FAM174A: variants seen among roughly 807,000 people sequenced by gnomAD.
The protein encoded by FAM174A is membrane protein FAM174A.
In FAM174A, 14 loss-of-function variants were observed where a neutral mutation model predicts 14.3. The observed-to-expected ratio is 0.98, with a 90% CI of 0.65 to 1.53. The LOEUF (loss-of-function observed/expected upper bound fraction) is 1.53. FAM174A is among the 40% of genes most tolerant of loss of function. The probability of loss-of-function intolerance (pLI) is 0.00; values close to 1 mark genes in which losing one functional copy is unlikely to be tolerated. For missense variants in FAM174A, 241 were observed against 249.6 expected, an observed-to-expected ratio of 0.97 and a Z score of 0.23; for synonymous variants, 108 against 111.4, an observed-to-expected ratio of 0.97 and a Z score of 0.19.
chr5:100,547,433 T>A (rs1306245632), intron 1 of FAM174A, among the ~76,000 whole-genome samples: 1 of 152,102 alleles, frequency 6.6e-6, no homozygotes, highest in East Asian at 1.9e-4. Flanking sequence ...AGAGCCCAGT[T>A]TGAAAACAGT....
chr5:100,558,853 C>G (rs991996437), intron 1 of FAM174A, among the ~76,000 whole-genome samples: 3 of 152,100 alleles, frequency 2.0e-5, no homozygotes, highest in African/African-American at 7.2e-5. Flanking sequence ...GATGGGTTTC[C>G]TGAATACAGC....
chr5:100,546,571 T>C (rs1237256567), intron 1 of FAM174A, among the ~76,000 whole-genome samples: 1 of 152,194 alleles, frequency 6.6e-6, no homozygotes, highest in Non-Finnish European at 1.5e-5. Flanking sequence ...TTGATTATAT[T>C]TTTACTCTTT....
intron 2 of FAM174A, among the ~76,000 whole-genome samples, chr5:100,577,403 A>G (rs1388516665): frequency 6.6e-6 from 1 of 152,100 alleles, no homozygotes; most frequent in Admixed American, 6.6e-5. Flanking sequence ...TACTGCTGTT[A>G]TGCTTCATTA....
In FAM174A at chr5:100,535,405, C is replaced by T. The variant is rs1325309523; in HGVS notation, c.-126C>T. On this transcript the variant is annotated 5_prime_UTR_variant, in exon 1 of 3. Transcript: ENST00000312637. ...CACTGCTGTAGCTTCTGCCACCTGCCACGACCGGGCCTCTCCCTGGCGTTT... is the reference window on the plus strand; with the variant it reads ...CACTGCTGTAGCTTCTGCCACCTGCTACGACCGGGCCTCTCCCTGGCGTTT... The T allele has an allele frequency of 3.7e-5, 38 of 1,031,198 alleles. No homozygotes were observed. The highest frequency in any genetic ancestry group is 5.9e-4 in the Middle Eastern group (2 of 3,392). The allele number at this position is 1,031,198 out of a possible 1,614,324, so 63.9% of individuals were successfully genotyped here.
At chr5:100,544,443 CAG>C (rs1033386068) in intron 1 of FAM174A, among the ~76,000 whole-genome samples, 1 of 145,988 alleles carries the variant, frequency 6.8e-6, no homozygotes, top group African/African-American at 2.5e-5. Flanking sequence ...GATCGAGAGA[CAG>C]AGAGAGAAGG....
intron 2 of FAM174A, among the ~76,000 whole-genome samples, chr5:100,580,067 T>TA (rs1304086897): frequency 6.6e-6 from 1 of 152,176 alleles, no homozygotes; most frequent in Non-Finnish European, 1.5e-5. Context: ...TTTTTGAAGG[T>TA]ATTTTAAACC....
chr5:100,557,675 T>C (rs1419817616), intron 1 of FAM174A, among the ~76,000 whole-genome samples: 1 of 152,182 alleles, frequency 6.6e-6, no homozygotes, highest in African/African-American at 2.4e-5. Context: ...GGAGGGTGTA[T>C]GTGTCGAGGA....
rs1747128728 is a variant in FAM174A, at chr5:100,586,495, A to G, written c.*311A>G. The G allele has an allele frequency of 5.4e-6, 1 of 186,110 alleles. No homozygotes were observed. The highest frequency in any genetic ancestry group is 2.3e-5 in the African/African-American group (1 of 42,862). The allele number at this position is 186,110 out of a possible 1,614,324, so 11.5% of individuals were successfully genotyped here. A position where few individuals can be genotyped will look rare whatever the true frequency, so the allele number is the denominator to read the frequency against. ...GTTTCCTGCTTACCATATGATTGTAAATTGTTTTATGTATTAATCAGTTAA... is the reference window on the plus strand; with the variant it reads ...GTTTCCTGCTTACCATATGATTGTAGATTGTTTTATGTATTAATCAGTTAA... On this transcript the variant is annotated 3_prime_UTR_variant, in exon 3 of 3. Coordinates refer to ENST00000312637, the MANE Select transcript of FAM174A (RefSeq NM_198507.3).
chr5:100,546,737 C>A (rs1746171927), intron 1 of FAM174A, among the ~76,000 whole-genome samples: 1 of 152,174 alleles, frequency 6.6e-6, no homozygotes, highest in Non-Finnish European at 1.5e-5. Flanking sequence ...CACATTGATA[C>A]CCATTGCAAA....
chr5:100,546,790 A>T (rs1016939687), intron 1 of FAM174A, among the ~76,000 whole-genome samples: 19 of 152,174 alleles, frequency 1.2e-4, no homozygotes, highest in African/African-American at 4.6e-4. Context: ...ATAAACAGTC[A>T]ACGAAATGCA....
chr5:100,556,711 A>G (rs1746392001), intron 1 of FAM174A, among the ~76,000 whole-genome samples: 1 of 152,094 alleles, frequency 6.6e-6, no homozygotes, highest in Non-Finnish European at 1.5e-5. Context: ...GCAATTGTGA[A>G]TGGAAGTTCA....
intron 2 of FAM174A, among the ~76,000 whole-genome samples, chr5:100,565,150 T>A (rs1746615447): frequency 6.6e-6 from 1 of 151,788 alleles, no homozygotes; most frequent in South Asian, 2.1e-4. Flanking sequence ...CATATTAAAA[T>A]GATGATACAC....
At chr5:100,549,833 T>C (rs1416475313) in intron 1 of FAM174A, among the ~76,000 whole-genome samples, 1 of 152,100 alleles carries the variant, frequency 6.6e-6, no homozygotes, top group Non-Finnish European at 1.5e-5. Flanking sequence ...AACTTCAACA[T>C]GGAGTCATAT....
intron 1 of FAM174A, among the ~76,000 whole-genome samples, chr5:100,538,810 T>G (rs969990990): frequency 2.0e-5 from 3 of 152,086 alleles, no homozygotes; most frequent in Non-Finnish European, 2.9e-5. Context: ...CAATTAATAC[T>G]TTTATTTCCT....
intron 2 of FAM174A, among the ~76,000 whole-genome samples, chr5:100,585,178 C>T (rs1030347947): frequency 6.6e-6 from 1 of 152,152 alleles, no homozygotes; most frequent in Non-Finnish European, 1.5e-5. Context: ...TACAGTAGTA[C>T]ACTATGTACT....
At position 100,583,638 on chromosome 5, in the gene FAM174A, A is replaced by AT. The variant is rs75784085; in HGVS notation, c.570-2531dup. 9.9e-3 allele frequency among the ~76,000 whole-genome samples: 1,415 copies of AT among 143,494 alleles called. 5 individuals are homozygous for AT. The highest frequency in any genetic ancestry group is 0.021 in the African/African-American group (829 of 39,330). The allele number at this position is 143,494 out of a possible 152,430, so 94.1% of individuals were successfully genotyped here. A position where few individuals can be genotyped will look rare whatever the true frequency, so the allele number is the denominator to read the frequency against. On this transcript the variant is annotated intron_variant, in intron 2 of 2. Coordinates refer to ENST00000312637, the MANE Select transcript of FAM174A (RefSeq NM_198507.3). ...CTCATCTTGACATCTTTTATTACCG[A>AT]TTTTTTTTTTTTGCAATATCCACAG... is the stretch of plus-strand genomic sequence containing the variant.
chr5:100,568,576 T>C (rs1214008553), intron 2 of FAM174A, among the ~76,000 whole-genome samples: 2 of 151,924 alleles, frequency 1.3e-5, no homozygotes, highest in Non-Finnish European at 2.9e-5. Flanking sequence ...TCCTGGGTTC[T>C]TTTTTGCCTG....
chr5:100,563,531 C>T (rs1426356916), intron 2 of FAM174A, among the ~76,000 whole-genome samples: 5 of 151,678 alleles, frequency 3.3e-5, no homozygotes, highest in African/African-American at 1.2e-4. Flanking sequence ...AATTGACAGC[C>T]ATAAAATAAT....
chr5:100,552,046 C>T (rs925302295), intron 1 of FAM174A, among the ~76,000 whole-genome samples: 1 of 152,098 alleles, frequency 6.6e-6, no homozygotes, highest in Admixed American at 6.6e-5. Context: ...TTATTAGTAT[C>T]TGATTCTTGA....
Sources: gnomAD v4.1 joint callset for allele counts (sites outside exome capture counted in the v4.1 genomes callset) on GRCh38, gnomAD v4.1.1 for gene constraint, MANE v1.5 for transcripts, NCBI Gene and HGNC (gene_info 2026-07-23, HGNC 2026-07-21) for gene names.